The following JMJD1C variants were observed in gnomAD, a reference collection of about 807,000 sequenced individuals.
The protein encoded by JMJD1C is jumonji domain-containing protein 1C.
JMJD1C carries 31 observed loss-of-function variants against 245.3 expected under a neutral mutation model. The ratio of observed to expected loss-of-function variants is 0.13; its 90% confidence interval spans 0.09 to 0.17. The LOEUF is 0.17. JMJD1C is among the 10% of genes least tolerant of loss of function. JMJD1C has a pLI of 1.00. For synonymous variants in JMJD1C, 1,057 were observed against 1,017.4 expected (o/e 1.04, Z -0.74); for missense variants, 2,691 against 3,000.2 (o/e 0.90, Z 2.41).
chr10:63,501,894 A>G (rs1954574113), intron 1 of JMJD1C, among the ~76,000 whole-genome samples: 1 of 152,210 alleles, frequency 6.6e-6, no homozygotes, highest in African/African-American at 2.4e-5. Context: ...TGGTCCTAAG[A>G]AAGAAAAAGA....
chr10:63,315,536 A>G (rs571293110), intron 2 of JMJD1C, among the ~76,000 whole-genome samples: 1 of 152,164 alleles, frequency 6.6e-6, no homozygotes, highest in Admixed American at 6.6e-5. Context: ...TTTGAAGGTT[A>G]TACTTGCTGT....
intron 21 of JMJD1C, among the ~76,000 whole-genome samples, chr10:63,183,928 G>T (rs898013445): frequency 1.3e-5 from 2 of 152,174 alleles, no homozygotes; most frequent in African/African-American, 2.4e-5. Context: ...CAATTTGTAG[G>T]AACAGTAATT....
chr10:63,484,373 T>C (rs1953926910), intron 1 of JMJD1C, among the ~76,000 whole-genome samples: 1 of 152,192 alleles, frequency 6.6e-6, no homozygotes, highest in South Asian at 2.1e-4. Context: ...ACTTCGTATT[T>C]TTTGAGATCA....
At chr10:63,382,207 G>GTC (rs1947272919) in intron 1 of JMJD1C, among the ~76,000 whole-genome samples, 1 of 152,080 alleles carries the variant, frequency 6.6e-6, no homozygotes, top group South Asian at 2.1e-4. Context: ...GCAAAACTCC[G>GTC]TCACACACAC....
At chr10:63,421,501 G>A (rs1220139175) in intron 1 of JMJD1C, among the ~76,000 whole-genome samples, 1 of 152,096 alleles carries the variant, frequency 6.6e-6, no homozygotes, top group East Asian at 1.9e-4. Context: ...TTCTTGACCT[G>A]GGGGATAGTT....
chr10:63,267,826 T>A (rs1292272888), intron 2 of JMJD1C, among the ~76,000 whole-genome samples: 1 of 152,170 alleles, frequency 6.6e-6, no homozygotes, highest in Non-Finnish European at 1.5e-5. Context: ...GTTGAGAGCC[T>A]GCATTTCTAG....
rs1334712333 is a variant in JMJD1C, at chr10:63,465,811, T to C, written c.-149A>G. 6.6e-6 allele frequency: 6 copies of C among 907,358 alleles called. No homozygotes were observed. The African/African-American group carries it at 8.1e-5, about 12-fold the overall frequency. 56.2% of individuals were successfully genotyped at this position (907,358 alleles called of 1,614,324 possible). On this transcript the variant is annotated 5_prime_UTR_variant, in exon 1 of 26. Transcript: ENST00000399262. Reference sequence around the variant, plus strand: ...CAGACTCGGGACGAACCGGCCGCTCTGCCCCGGACACAGCGACCTCGGGCC... The same window carrying C: ...CAGACTCGGGACGAACCGGCCGCTCCGCCCCGGACACAGCGACCTCGGGCC...
intron 1 of JMJD1C, among the ~76,000 whole-genome samples, chr10:63,472,370 T>C (rs1253783775): frequency 6.6e-6 from 1 of 152,226 alleles, no homozygotes; most frequent in East Asian, 1.9e-4. Context: ...AGTCTCCCTG[T>C]TGCCCAGGTT....
chr10:63,179,469 T>C (rs1331456577), intron 22 of JMJD1C, among the ~76,000 whole-genome samples: 1 of 150,784 alleles, frequency 6.6e-6, no homozygotes, highest in East Asian at 2.0e-4. Flanking sequence ...TGGAATACTA[T>C]TTAGCCATAA....
At chr10:63,426,471 G>A (rs1950445805) in intron 1 of JMJD1C, among the ~76,000 whole-genome samples, 1 of 152,182 alleles carries the variant, frequency 6.6e-6, no homozygotes, top group Non-Finnish European at 1.5e-5. Context: ...AGGAGTTTGA[G>A]ACTAGCCTGA....
At chr10:63,342,092 C>T (rs1438669984) in intron 2 of JMJD1C, among the ~76,000 whole-genome samples, 1 of 152,160 alleles carries the variant, frequency 6.6e-6, no homozygotes, top group Non-Finnish European at 1.5e-5. Context: ...AAACAAATTC[C>T]ATCACTGTCC....
chr10:63,217,154 T>C (rs1158052868), intron 5 of JMJD1C, 53 bp downstream of exon 5: 9 of 1,494,872 alleles, frequency 6.0e-6, no homozygotes, highest in African/African-American at 4.2e-5. Flanking sequence ...TTGGGGGGCA[T>C]GGATGATTTG....
upstream of JMJD1C, among the ~76,000 whole-genome samples, chr10:63,469,584 T>C (rs1953424171): frequency 1.3e-5 from 2 of 152,202 alleles, no homozygotes; most frequent in South Asian, 4.1e-4. Context: ...ATAGGACCTT[T>C]ATCCTTGAGA....
intron 1 of JMJD1C, among the ~76,000 whole-genome samples, chr10:63,386,539 C>A (rs147398650): frequency 2.2e-3 from 328 of 152,312 alleles, no homozygotes; most frequent in Non-Finnish European, 3.6e-3. Context: ...TGCTCAGGGT[C>A]TGGAGATTAC....
At chr10:63,335,771 G>A (rs984945334) in intron 2 of JMJD1C, among the ~76,000 whole-genome samples, 10 of 151,792 alleles carry the variant, frequency 6.6e-5, no homozygotes, top group Admixed American at 2.6e-4. Context: ...TCGGCCTCCC[G>A]AAGTGTTGAG....
chr10:63,294,952 T>C (rs1411194161), intron 2 of JMJD1C, among the ~76,000 whole-genome samples: 2 of 152,146 alleles, frequency 1.3e-5, no homozygotes, highest in South Asian at 2.1e-4. Flanking sequence ...AGAACTAAAT[T>C]GTTGCAGCCA....
chr10:63,218,404 C>T (rs1331291121), intron 4 of JMJD1C, among the ~76,000 whole-genome samples: 1 of 152,004 alleles, frequency 6.6e-6, no homozygotes, highest in Non-Finnish European at 1.5e-5. Flanking sequence ...TGTTGACTGG[C>T]TATAATTTAA....
chr10:63,315,852 A>C (rs1353729941), intron 2 of JMJD1C, among the ~76,000 whole-genome samples: 4 of 150,392 alleles, frequency 2.7e-5, no homozygotes, highest in Admixed American at 6.6e-5. Context: ...AAAAAAAAAA[A>C]AACACCACGA....
chr10:63,337,259 T>G (rs540823092), intron 2 of JMJD1C, among the ~76,000 whole-genome samples: 4 of 150,274 alleles, frequency 2.7e-5, no homozygotes, highest in Non-Finnish European at 5.9e-5. Context: ...CTGGTCAATA[T>G]GGTGAAACCC....
Sources: gnomAD v4.1 joint callset for allele counts (sites outside exome capture counted in the v4.1 genomes callset) on GRCh38, gnomAD v4.1.1 for gene constraint, MANE v1.5 for transcripts, NCBI Gene and HGNC (gene_info 2026-07-23, HGNC 2026-07-21) for gene names.